The following SGPP2 variants were observed in gnomAD, a reference collection of about 807,000 sequenced individuals.
SGPP2 encodes the protein sphingosine-1-phosphate phosphatase 2, also known as sphingosine 1-phosphate phosphohydrolase 2.
In SGPP2, 30 loss-of-function variants were observed where a neutral mutation model predicts 33.9. That is an observed-to-expected ratio of 0.89 (90% CI 0.66 to 1.20). The LOEUF is 1.20. Ranked by LOEUF, SGPP2 falls within the 50% of genes most tolerant of loss-of-function variation. SGPP2 has a pLI of 0.00. For synonymous variants in SGPP2, 233 were observed against 225.0 expected (o/e 1.04, Z -0.32); for missense variants, 458 against 532.1 (o/e 0.86, Z 1.37).
intron 4 of SGPP2, among the ~76,000 whole-genome samples, chr2:222,552,548 A>G (rs1689311787): frequency 6.6e-6 from 1 of 152,106 alleles, no homozygotes; most frequent in Non-Finnish European, 1.5e-5. Flanking sequence ...GTACACCAAA[A>G]TCTCACAAAT....
intron 2 of SGPP2, among the ~76,000 whole-genome samples, chr2:222,478,968 C>A (rs1697990078): frequency 6.6e-6 from 1 of 152,144 alleles, no homozygotes; most frequent in Admixed American, 6.5e-5. Context: ...ATAAGCCATA[C>A]CCTATATTGA....
intron 4 of SGPP2, among the ~76,000 whole-genome samples, chr2:222,529,044 G>A (rs1698801046): frequency 1.3e-5 from 2 of 152,264 alleles, no homozygotes; most frequent in South Asian, 4.2e-4. Context: ...CAAATCATGT[G>A]ATGATATTTG....
At chr2:222,500,326 A>G (rs760185138) in intron 2 of SGPP2, among the ~76,000 whole-genome samples, 7 of 152,132 alleles carry the variant, frequency 4.6e-5, no homozygotes, top group African/African-American at 7.2e-5. Flanking sequence ...TTCCAGCTGG[A>G]TGTCTCGTTT....
chr2:222,538,806 G>A (rs1042465038), intron 4 of SGPP2, among the ~76,000 whole-genome samples: 1 of 152,060 alleles, frequency 6.6e-6, no homozygotes, highest in Non-Finnish European at 1.5e-5. Flanking sequence ...CAGATCTCGT[G>A]AGAACTCTTA....
At chr2:222,431,889 CAG>C (rs1448759431) in intron 1 of SGPP2, among the ~76,000 whole-genome samples, 1 of 152,202 alleles carries the variant, frequency 6.6e-6, no homozygotes, top group Non-Finnish European at 1.5e-5. Flanking sequence ...CTGGCTGAAG[CAG>C]TCCATCAAGG....
At chr2:222,454,881 G>C (rs1237623307) in intron 1 of SGPP2, among the ~76,000 whole-genome samples, 1 of 152,060 alleles carries the variant, frequency 6.6e-6, no homozygotes, top group East Asian at 1.9e-4. Context: ...ACCAGAATGT[G>C]TGCTAATGGC....
At chr2:222,498,161 A>G (rs1415723168) in intron 2 of SGPP2, 2 of 152,158 alleles carry the variant, frequency 1.3e-5, no homozygotes, top group Admixed American at 6.5e-5. Flanking sequence ...TGCCTCAACC[A>G]TCAACTCACC....
At chr2:222,548,639 G>A (rs1325595931) in intron 4 of SGPP2, among the ~76,000 whole-genome samples, 1 of 152,002 alleles carries the variant, frequency 6.6e-6, no homozygotes, top group Non-Finnish European at 1.5e-5. Flanking sequence ...CTCATACCAT[G>A]TGACAGGTAA....
At chr2:222,482,242 T>C (rs1234023071) in intron 2 of SGPP2, among the ~76,000 whole-genome samples, 2 of 152,204 alleles carry the variant, frequency 1.3e-5, no homozygotes, top group African/African-American at 4.8e-5. Context: ...GAATTTGCTG[T>C]AAAGTGATGG....
chr2:222,473,301 C>T (rs1181809592), intron 1 of SGPP2, among the ~76,000 whole-genome samples: 3 of 152,264 alleles, frequency 2.0e-5, no homozygotes, highest in Middle Eastern at 3.4e-3. Flanking sequence ...AAGAATCTGA[C>T]TCCTTGCTTT....
Position 222,459,178 on chromosome 2 carries a change from A to G in SGPP2, c.220-15390A>G, listed in dbSNP as rs180861921. 3.1e-3 allele frequency among the ~76,000 whole-genome samples: 369 copies of G among 119,790 alleles called. 2 individuals are homozygous for G. Among genetic ancestry groups the G allele is most frequent in the African/African-American group, 0.011 (332 of 31,006 alleles). 78.6% of individuals were successfully genotyped at this position (119,790 alleles called of 152,430 possible). On this transcript the variant is annotated intron_variant, in intron 1 of 4. Coordinates refer to ENST00000321276, the MANE Select transcript of SGPP2 (RefSeq NM_152386.4). ...TTTTTTTTTTTTGAGACAGGGTCTCACTATGACTCCTAGGCTGGAGTGCAG... is the reference window on the plus strand; with the variant it reads ...TTTTTTTTTTTTGAGACAGGGTCTCGCTATGACTCCTAGGCTGGAGTGCAG...
At chr2:222,425,415 G>A (rs988799859) in intron 1 of SGPP2, among the ~76,000 whole-genome samples, 1 of 152,186 alleles carries the variant, frequency 6.6e-6, no homozygotes, top group Non-Finnish European at 1.5e-5. Flanking sequence ...CCAGAGTCTG[G>A]GGGTCCCTCC....
At chr2:222,548,344 T>C (rs1689237564) in intron 4 of SGPP2, among the ~76,000 whole-genome samples, 1 of 152,248 alleles carries the variant, frequency 6.6e-6, no homozygotes, top group Admixed American at 6.5e-5. Context: ...AACTGCAGGT[T>C]TAAATATGCT....
At chr2:222,532,339 T>A (rs1698851517) in intron 4 of SGPP2, among the ~76,000 whole-genome samples, 1 of 152,148 alleles carries the variant, frequency 6.6e-6, no homozygotes. Context: ...TCTCTCTGCA[T>A]AAGCAGGAGA....
chr2:222,452,158 T>A (rs1697501319), intron 1 of SGPP2, among the ~76,000 whole-genome samples: 1 of 152,200 alleles, frequency 6.6e-6, no homozygotes, highest in Non-Finnish European at 1.5e-5. Context: ...ATGTTGTCCT[T>A]AGCAGCCAAG....
intron 1 of SGPP2, among the ~76,000 whole-genome samples, chr2:222,456,892 G>C (rs1164253303): frequency 6.6e-6 from 1 of 152,138 alleles, no homozygotes; most frequent in Non-Finnish European, 1.5e-5. Context: ...TGTGACAATA[G>C]TAACAAAATC....
intron 1 of SGPP2, among the ~76,000 whole-genome samples, chr2:222,429,297 A>G (rs1697117508): frequency 6.6e-6 from 1 of 152,168 alleles, no homozygotes; most frequent in Non-Finnish European, 1.5e-5. Context: ...CCCTTAGTAT[A>G]TTCAGTAGGA....
intron 2 of SGPP2, among the ~76,000 whole-genome samples, chr2:222,485,780 C>G (rs1446881641): frequency 1.3e-5 from 2 of 152,234 alleles, no homozygotes; most frequent in Non-Finnish European, 2.9e-5. Context: ...CAACTCCTCA[C>G]CAGCTCTCCT....
chr2:222,433,019 AAAAGAAAGAAAGAGAG>A (rs1697179567), intron 1 of SGPP2, among the ~76,000 whole-genome samples: 1 of 145,744 alleles, frequency 6.9e-6, no homozygotes, highest in African/African-American at 2.5e-5. Context: ...GAAACTCTGA[AAAAGAAAGAAAGAGAG>A]AAAGAAAGAA....
Sources: gnomAD v4.1 joint callset for allele counts (sites outside exome capture counted in the v4.1 genomes callset) on GRCh38, gnomAD v4.1.1 for gene constraint, MANE v1.5 for transcripts, NCBI Gene and HGNC (gene_info 2026-07-23, HGNC 2026-07-21) for gene names.